KAZN: variants seen among roughly 807,000 people sequenced by gnomAD.
The protein encoded by KAZN is kazrin, periplakin interacting protein, also known as kazrin.
KAZN carries 40 observed loss-of-function variants against 87.4 expected under a neutral mutation model. The ratio of observed to expected loss-of-function variants is 0.46; its 90% CI spans 0.36 to 0.60. The LOEUF is 0.60. KAZN is among the 20% of genes least tolerant of loss of function. KAZN has a pLI of 0.00. For synonymous variants in KAZN, 466 were observed against 458.3 expected, an observed-to-expected ratio of 1.02 and a Z score of -0.22; for missense variants, 898 against 1,073.9, an observed-to-expected ratio of 0.84 and a Z score of 2.29.
intron 1 of KAZN, among the ~76,000 whole-genome samples, chr1:14,900,349 T>G (rs1655726364): frequency 6.6e-6 from 1 of 152,188 alleles, no homozygotes; most frequent in Non-Finnish European, 1.5e-5. Context: ...CAGTCACCTC[T>G]GCCAATTTGC....
chr1:14,931,759 G>GT (rs1453919977), intron 1 of KAZN, among the ~76,000 whole-genome samples: 2 of 152,130 alleles, frequency 1.3e-5, no homozygotes, highest in African/African-American at 4.8e-5. Flanking sequence ...ACATACTCTG[G>GT]TTTACACTGT....
chr1:14,575,628 C>G (rs1571966458), intron 2 of KAZN, among the ~76,000 whole-genome samples: 1 of 152,066 alleles, frequency 6.6e-6, no homozygotes, highest in East Asian at 1.9e-4. Flanking sequence ...TTGCAGTCAT[C>G]TAAATGACAA....
chr1:15,101,216 C>T (rs1438635602), intron 10 of KAZN, among the ~76,000 whole-genome samples: 2 of 148,604 alleles, frequency 1.3e-5, no homozygotes, highest in African/African-American at 4.9e-5. Context: ...TTCTCTATCT[C>T]CCTCTGCTCC....
rs143365690 is a variant in KAZN at position 14,264,822 on chromosome 1, A to G, written c.249+84230A>G. On this transcript the variant is annotated intron_variant, in intron 2 of 16. Coordinates refer to the KAZN transcript ENST00000636203. ...CATCTCTCTGACTCCAAACAAATAA[A>G]TTTCTCTGCTTTTAATGGTTCAGTA... 5.2e-3 allele frequency among the ~76,000 whole-genome samples: 792 copies of G among 152,288 alleles called. 5 individuals are homozygous for G. Among genetic ancestry groups the G allele is most frequent in the African/African-American group, 0.018 (767 of 41,578 alleles).
chr1:14,396,949 G>A (rs12141589), intron 2 of KAZN, among the ~76,000 whole-genome samples: 10,645 of 151,638 alleles, frequency 0.07, 511 homozygotes, highest in South Asian at 0.12. Context: ...AATAAAGTGA[G>A]ATCTATAGAA....
intron 1 of KAZN, among the ~76,000 whole-genome samples, chr1:14,606,000 A>C (rs2473628): frequency 0.82 from 124,105 of 152,166 alleles, 50,821 homozygotes; most frequent in African/African-American, 0.88. Context: ...CTTATTGGGC[A>C]GGTACCATGC....
intron 2 of KAZN, among the ~76,000 whole-genome samples, chr1:14,378,176 C>T (rs1033603320): frequency 1.4e-4 from 22 of 152,154 alleles, no homozygotes; most frequent in Admixed American, 1.2e-3. Context: ...ACACATAAGA[C>T]GTTTATGGAA....
intron 2 of KAZN, among the ~76,000 whole-genome samples, chr1:14,405,273 T>G (rs1663742274): frequency 6.6e-6 from 1 of 152,170 alleles, no homozygotes; most frequent in African/African-American, 2.4e-5. Flanking sequence ...TATGAGCCTG[T>G]TTGAGTTCAA....
intron 2 of KAZN, among the ~76,000 whole-genome samples, chr1:15,034,099 T>G (rs966124274): frequency 6.6e-6 from 1 of 152,210 alleles, no homozygotes; most frequent in Non-Finnish European, 1.5e-5. Context: ...ACTTGTATAT[T>G]CCAGATAGAA....
rs145475387 is a variant in KAZN at position 15,013,545 on chromosome 1, G to A, written c.419-21204G>A. 3.0e-4 allele frequency among the ~76,000 whole-genome samples: 45 copies of A among 152,232 alleles called. No individual in the cohort carries two copies. The East Asian group carries it at 6.6e-3, about 22-fold the overall frequency. ...AAAGTGGGCGGATCACTTGAGGTTA[G>A]GAGTTCATGACCAGCCTGGCCAACA... On this transcript the variant is annotated intron_variant, in intron 2 of 14. Coordinates refer to ENST00000376030, the MANE Select transcript of KAZN (RefSeq NM_201628.3).
intron 1 of KAZN, among the ~76,000 whole-genome samples, chr1:14,795,852 A>T (rs1005540948): frequency 6.6e-6 from 1 of 152,044 alleles, no homozygotes; most frequent in African/African-American, 2.4e-5. Flanking sequence ...TCATTTCCCC[A>T]TCACTCAGGA....
intron 2 of KAZN, among the ~76,000 whole-genome samples, chr1:14,979,034 A>C (rs1240332955): frequency 6.6e-6 from 1 of 151,840 alleles, no homozygotes; most frequent in East Asian, 2.0e-4. Flanking sequence ...CCTCCTGAGC[A>C]GCTGGGATTA....
intron 2 of KAZN, among the ~76,000 whole-genome samples, chr1:14,506,948 C>T (rs916457312): frequency 6.6e-6 from 1 of 152,142 alleles, no homozygotes; most frequent in African/African-American, 2.4e-5. Flanking sequence ...TTAGGCTGAG[C>T]CCTAGTGAGA....
Position 14,023,072 on chromosome 1 carries a change from T to C in KAZN, c.91+129316T>C, listed in dbSNP as rs530884646. ...GCTCATGCCTGTAATCCCAACACTT[T>C]GGGAGGCTGAGGTGGGAGGACTGCT... is the stretch of plus-strand genomic sequence containing the variant. On this transcript the variant is annotated intron_variant, in intron 1 of 16. Transcript: ENST00000636203. 2.6e-5 allele frequency among the ~76,000 whole-genome samples: 4 copies of C among 152,194 alleles called. No individual in the cohort carries two copies. In the East Asian group the frequency reaches 7.7e-4, roughly 29 times the overall value.
rs1434302524 is a variant in KAZN at position 15,066,901 on chromosome 1, CTA to C, written c.1222+1154_1222+1155del. 1.0e-6 allele frequency: 1 copy of C among 985,338 alleles called. No individual in the cohort carries two copies. The highest frequency in any genetic ancestry group is 1.7e-5 in the African/African-American group (1 of 57,222). The allele number at this position is 985,338 out of a possible 1,614,324, so 61.0% of individuals were successfully genotyped here. ...CCCAGAGCTCCCTCCAGGCCTTTCT[CTA>C]TATATTTATTTATCTGACATACAGA... On this transcript the variant is annotated intron_variant, in intron 8 of 14. Coordinates refer to ENST00000376030, the MANE Select transcript of KAZN (RefSeq NM_201628.3). The surrounding 1 kb of genome is among the most constrained non-coding windows in gnomAD (Gnocchi z 4.3).
At chr1:14,118,259 C>T (rs1354622989) in intron 1 of KAZN, among the ~76,000 whole-genome samples, 1 of 152,184 alleles carries the variant, frequency 6.6e-6, no homozygotes, top group East Asian at 1.9e-4. Flanking sequence ...GTTATTTAAT[C>T]CTTTTAGAGA....
chr1:14,440,719 T>A (rs189633287), intron 2 of KAZN, among the ~76,000 whole-genome samples: 10 of 152,302 alleles, frequency 6.6e-5, no homozygotes, highest in Non-Finnish European at 1.2e-4. Context: ...AAACCAAGCA[T>A]GGTGCTCTTC....
intron 1 of KAZN, among the ~76,000 whole-genome samples, chr1:14,711,834 AC>A (rs1642503447): frequency 6.6e-6 from 1 of 152,080 alleles, no homozygotes. Context: ...GGGACAAAGG[AC>A]TCAGAGGGCC....
intron 1 of KAZN, chr1:14,924,119 G>A (rs1270303190): frequency 3.1e-6 from 3 of 982,478 alleles, no homozygotes; most frequent in Non-Finnish European, 3.6e-6. Context: ...AGGAGGAGCC[G>A]CGGGACTGAG....
Sources: gnomAD v4.1 joint callset for allele counts (sites outside exome capture counted in the v4.1 genomes callset) on GRCh38, gnomAD v4.1.1 for gene constraint, Gnocchi (gnomAD v3.1) non-coding constraint, MANE v1.5 for transcripts, NCBI Gene and HGNC (gene_info 2026-07-23, HGNC 2026-07-21) for gene names.